The following NUP205 variants were observed in gnomAD, a reference collection of about 807,000 sequenced individuals.
NUP205 encodes nucleoporin 205.
Under a neutral mutation model 253.8 loss-of-function variants are expected in NUP205, and 76 were observed. The observed-to-expected ratio is 0.30, with a 90% confidence interval of 0.25 to 0.36. The LOEUF is 0.36. Among genes scored for constraint, NUP205 ranks in the 10% least tolerant of loss-of-function variants. The pLI, the probability that NUP205 is intolerant of heterozygous loss-of-function variation, is 1.00. For synonymous variants in NUP205, 832 were observed against 850.1 expected (o/e 0.98, Z 0.37); for missense variants, 2,162 against 2,425.5 (o/e 0.89, Z 2.28).
intron 14 of NUP205, 146 bp downstream of exon 14, chr7:135,597,564 T>C (rs1793870840): frequency 1.8e-6 from 1 of 555,242 alleles, no homozygotes; most frequent in Non-Finnish European, 3.1e-6. Flanking sequence ...AGTGTTGAAA[T>C]AGAGATGAAA....
chr7:135,645,766 C>T (rs995259899), intron 41 of NUP205, 170 bp downstream of exon 41: 29 of 645,232 alleles, frequency 4.5e-5, no homozygotes, highest in East Asian at 3.6e-4. Flanking sequence ...TTTCTGTTCA[C>T]GGGACATTGT....
At chr7:135,605,306 C>T (rs745575333) in intron 19 of NUP205, among the ~76,000 whole-genome samples, 5 of 152,154 alleles carry the variant, frequency 3.3e-5, no homozygotes, top group Admixed American at 2.6e-4. Flanking sequence ...CCTGAGCCAC[C>T]GTGCCTGGCC....
chr7:135,619,353 A>T, intron 28 of NUP205, 70 bp from the exon 29 acceptor site: 4 of 1,492,710 alleles, frequency 2.7e-6, no homozygotes, highest in Non-Finnish European at 1.8e-6. Flanking sequence ...AAAAAAAAAA[A>T]GCTATGAAAT....
intron 19 of NUP205, among the ~76,000 whole-genome samples, chr7:135,605,053 A>AG (rs775133174): frequency 1.3e-5 from 2 of 149,238 alleles, no homozygotes; most frequent in Admixed American, 6.6e-5. Context: ...CTAGTTGAAG[A>AG]ATTTTTTTTT....
At chr7:135,574,763 C>T (rs910428732) in intron 3 of NUP205, among the ~76,000 whole-genome samples, 2 of 152,152 alleles carry the variant, frequency 1.3e-5, no homozygotes, top group East Asian at 3.8e-4. Flanking sequence ...GAAATTATTT[C>T]TCTGGCTGCT....
At chr7:135,609,681 T>C (rs1011835048) in intron 22 of NUP205, among the ~76,000 whole-genome samples, 2 of 152,102 alleles carry the variant, frequency 1.3e-5, no homozygotes, top group African/African-American at 4.8e-5. Flanking sequence ...ACTAACCTCT[T>C]AGTGTTACTG....
chr7:135,646,367 A>T (rs1795010418), intron 42 of NUP205, 136 bp downstream of exon 42: 2 of 668,926 alleles, frequency 3.0e-6, no homozygotes, highest in African/African-American at 3.6e-5. Flanking sequence ...GTTTGAGAGC[A>T]GTCTGGGCAA....
rs138015509 is a variant in NUP205, at chr7:135,609,898, C to A, written c.3195+2527C>A. ...ACAGAATTTGATATATAAGTAGAAACAACTGATAAGCTTAACACCTAGGCT... is the reference window on the plus strand; with the variant it reads ...ACAGAATTTGATATATAAGTAGAAAAAACTGATAAGCTTAACACCTAGGCT... On this transcript the variant is annotated intron_variant, in intron 22 of 42. Transcript: ENST00000285968. 1.8e-3 allele frequency among the ~76,000 whole-genome samples: 269 copies of A among 152,152 alleles called. 3 individuals carry two copies. Among genetic ancestry groups the A allele is most frequent in the African/African-American group, 6.2e-3 (259 of 41,506 alleles).
intron 34 of NUP205, among the ~76,000 whole-genome samples, chr7:135,628,864 TATATC>T (rs1398192512): frequency 3.3e-5 from 5 of 152,256 alleles, no homozygotes; most frequent in Non-Finnish European, 7.3e-5. Flanking sequence ...CACCTTATTT[TATATC>T]ATAGCAATCT....
At chr7:135,590,818 A>T (rs1297505512) in intron 10 of NUP205, among the ~76,000 whole-genome samples, 1 of 152,228 alleles carries the variant, frequency 6.6e-6, no homozygotes, top group East Asian at 1.9e-4. Context: ...GGTGTGAACC[A>T]CTGCGCCCAG....
chr7:135,573,444 C>G (rs1234537266), intron 2 of NUP205, among the ~76,000 whole-genome samples: 1 of 151,988 alleles, frequency 6.6e-6, no homozygotes, highest in East Asian at 1.9e-4. Flanking sequence ...TTAGCAGTCA[C>G]AGTTATTGAG....
At chr7:135,591,254 T>C (rs187806162) in intron 10 of NUP205, among the ~76,000 whole-genome samples, 196 bp from the exon 11 acceptor site, 1 of 139,878 alleles carries the variant, frequency 7.1e-6, no homozygotes. Flanking sequence ...TTCATAAAGG[T>C]ATTTTATAAT....
chr7:135,615,987 T>G lies in NUP205; in HGVS notation c.3382T>G (p.Ser1128Ala), dbSNP rs771590847. Residue 1128 changes from serine (S) to alanine (A), a missense_variant, in exon 24 of 43, where the codon TCT (serine) becomes GCT (alanine). This residue lies in a region of NUP205 where 1,144 missense variants were observed against 1,280.9 expected (regional missense o/e 0.89). Transcript: ENST00000285968. ...KTASIELRVT[S>A]LNRQRSHTQR... is the part of the protein sequence containing the mutation. ...TGCCTCAATAGAGCTAAGGGTAACC[T>G]CTCTGAATCGTCAGCGGTCACATAC... The G allele has an allele frequency of 1.9e-6, 3 of 1,613,564 alleles. No individual in the cohort carries two copies. The highest frequency in any genetic ancestry group is 2.5e-6 in the Non-Finnish European group (3 of 1,179,596).
chr7:135,603,111 ACTT>A, intron 18 of NUP205, 117 bp downstream of exon 18: 9 of 485,888 alleles, frequency 1.9e-5, no homozygotes, highest in South Asian at 3.8e-5. Flanking sequence ...GCCTCATTTT[ACTT>A]TTTTTTTTTT....
intron 1 of NUP205, among the ~76,000 whole-genome samples, chr7:135,564,528 A>G (rs186954010): frequency 1.3e-5 from 2 of 150,912 alleles, no homozygotes; most frequent in African/African-American, 4.9e-5. Flanking sequence ...GATTACAGGC[A>G]TGAGTCACCA....
Position 135,604,383 on chromosome 7 carries a change from A to G in NUP205, c.2746A>G (p.Ser916Gly). Residue 916 changes from serine (S) to glycine (G), a missense_variant, in exon 19 of 43, where the codon AGT becomes GGT. Physicochemically the swap from Ser to Gly is moderately conservative, Grantham distance 56 (BLOSUM62 0). Transcript: ENST00000285968. Reference protein sequence around the residue: ...GNTNPELAFESAKILCCISCN... With the variant: ...GNTNPELAFEGAKILCCISCN... ...TACTAATCCAGAATTGGCTTTTGAA[A>G]GTGCCAAGATCCTCTGTTGTATCTC... The G allele has an allele frequency of 6.2e-7, 1 of 1,613,092 alleles. No individual in the cohort carries two copies. Among genetic ancestry groups the G allele is most frequent in the Non-Finnish European group, 8.5e-7 (1 of 1,179,466 alleles).
At chr7:135,626,146 A>T in intron 32 of NUP205, 94 bp from the exon 33 acceptor site, 1 of 1,445,550 alleles carries the variant, frequency 6.9e-7, no homozygotes, top group Non-Finnish European at 9.6e-7. Context: ...GTGATAACTA[A>T]GGATGAGAAA....
intron 18 of NUP205, among the ~76,000 whole-genome samples, chr7:135,603,455 C>T (rs1469989946): frequency 6.6e-6 from 1 of 151,440 alleles, no homozygotes. Flanking sequence ...ATTTTAATTA[C>T]TCTGAACTTT....
intron 31 of NUP205, among the ~76,000 whole-genome samples, chr7:135,624,666 C>T (rs1435686661): frequency 2.6e-5 from 4 of 152,044 alleles, no homozygotes; most frequent in African/African-American, 4.8e-5. Flanking sequence ...CGTGAGCCAC[C>T]GCTCCCGGCC....
Sources: allele counts gnomAD v4.1 joint callset (sites outside exome capture counted in the v4.1 genomes callset), GRCh38; gene constraint gnomAD v4.1.1; regional missense constraint gnomAD v4.1.1; transcripts MANE v1.5; gene names NCBI Gene and HGNC (gene_info 2026-07-23, HGNC 2026-07-21).